NFIB: variants seen among roughly 807,000 people sequenced by gnomAD.
The protein encoded by NFIB is nuclear factor I B.
In NFIB, 11 loss-of-function variants were observed where a neutral mutation model predicts 61.5. The ratio of observed to expected loss-of-function variants is 0.18; its 90% CI spans 0.11 to 0.30. The LOEUF (loss-of-function observed/expected upper bound fraction) is 0.30. Ranked by LOEUF, NFIB falls within the 10% of genes least tolerant of loss-of-function variation. NFIB has a pLI of 1.00. For missense variants in NFIB, 471 were observed against 608.9 expected, an observed-to-expected ratio of 0.77 and a Z score of 2.38; for synonymous variants, 260 against 216.5, an observed-to-expected ratio of 1.20 and a Z score of -1.76.
the NFIB span, among the ~76,000 whole-genome samples, chr9:14,505,192 T>C: frequency 1.3e-5 from 2 of 152,216 alleles, no homozygotes; most frequent in Admixed American, 6.5e-5. Flanking sequence ...CACTTGATCA[T>C]GGTGGAATCT....
chr9:14,197,039 C>T (rs761122151), intron 2 of NFIB, among the ~76,000 whole-genome samples: 7 of 152,194 alleles, frequency 4.6e-5, no homozygotes, highest in Non-Finnish European at 1.0e-4. Flanking sequence ...TTCTTACCTT[C>T]CATTTGTACT....
At chr9:14,463,862 G>GT in the NFIB span, among the ~76,000 whole-genome samples, 1 of 151,738 alleles carries the variant, frequency 6.6e-6, no homozygotes, top group Non-Finnish European at 1.5e-5. Flanking sequence ...GGGTTTCACC[G>GT]TGTTAGCCAG....
At chr9:14,173,715 A>G (rs926173648) in intron 3 of NFIB, among the ~76,000 whole-genome samples, 34 of 152,226 alleles carry the variant, frequency 2.2e-4, no homozygotes, top group African/African-American at 8.2e-4. Flanking sequence ...ACTCAAATGT[A>G]GTATTTAATT....
At chr9:14,473,826 T>C in the NFIB span, among the ~76,000 whole-genome samples, 9 of 152,208 alleles carry the variant, frequency 5.9e-5, no homozygotes, top group African/African-American at 2.2e-4. Context: ...AACTCATAGA[T>C]TTGTTTTCCA....
chr9:14,531,306 C>G, the NFIB span, among the ~76,000 whole-genome samples: 2 of 152,200 alleles, frequency 1.3e-5, no homozygotes, highest in Non-Finnish European at 2.9e-5. Context: ...ACAGCAACAA[C>G]AAACCCACAC....
chr9:14,398,772 T>C (rs904706622), exon 1 of NFIB: 2 of 584,878 alleles, frequency 3.4e-6, no homozygotes, highest in Admixed American at 6.8e-5. Flanking sequence ...CCGAAGAGTT[T>C]GAGGGTGACT....
chr9:14,369,757 T>A (rs755876846), intron 1 of NFIB, among the ~76,000 whole-genome samples: 3 of 152,232 alleles, frequency 2.0e-5, no homozygotes, highest in Non-Finnish European at 4.4e-5. Flanking sequence ...CTTTTCCTTT[T>A]CATCACAGCT....
chr9:14,479,739 A>G, the NFIB span, among the ~76,000 whole-genome samples: 1 of 152,236 alleles, frequency 6.6e-6, no homozygotes, highest in East Asian at 1.9e-4. Flanking sequence ...GTGCATTCAC[A>G]CATATTAAGG....
At chr9:14,465,617 C>G in the NFIB span, among the ~76,000 whole-genome samples, 1 of 148,530 alleles carries the variant, frequency 6.7e-6, no homozygotes, top group Non-Finnish European at 1.5e-5. Context: ...ACGCCCTACC[C>G]CCTGCAGCTA....
intron 7 of NFIB, among the ~76,000 whole-genome samples, chr9:14,121,456 C>A (rs779234097): frequency 3.3e-5 from 5 of 152,178 alleles, no homozygotes. Flanking sequence ...GTACATCCTA[C>A]CTGGCAATTG....
intron 2 of NFIB, among the ~76,000 whole-genome samples, chr9:14,239,133 T>G (rs988679334): frequency 6.6e-6 from 1 of 152,242 alleles, no homozygotes; most frequent in Non-Finnish European, 1.5e-5. Context: ...AAATTTGTCC[T>G]AAAGAACAAA....
intron 6 of NFIB, among the ~76,000 whole-genome samples, chr9:14,135,334 A>C (rs2040920825): frequency 6.6e-6 from 1 of 152,234 alleles, no homozygotes; most frequent in African/African-American, 2.4e-5. Flanking sequence ...GCAAGAAGGA[A>C]AGCTTCATAT....
At chr9:14,388,309 A>C (rs1336957901) in intron 1 of NFIB, among the ~76,000 whole-genome samples, 1 of 145,378 alleles carries the variant, frequency 6.9e-6, no homozygotes, top group Non-Finnish European at 1.5e-5. Flanking sequence ...TGGGAGGTTG[A>C]GGCTGCAGTC....
chr9:14,512,243 C>A, the NFIB span, among the ~76,000 whole-genome samples: 10 of 152,116 alleles, frequency 6.6e-5, no homozygotes, highest in Non-Finnish European at 1.3e-4. Flanking sequence ...ACCCCAGGTA[C>A]ATGTAGCTGG....
intron 2 of NFIB, among the ~76,000 whole-genome samples, chr9:14,194,986 G>C (rs2048323247): frequency 6.6e-6 from 1 of 151,950 alleles, no homozygotes; most frequent in South Asian, 2.1e-4. Flanking sequence ...AAAAGAGAAA[G>C]AGATCCCGTA....
At chr9:14,407,837 C>T in the NFIB span, among the ~76,000 whole-genome samples, 2 of 151,998 alleles carry the variant, frequency 1.3e-5, no homozygotes, top group Non-Finnish European at 2.9e-5. Context: ...AAGTGTGTAC[C>T]ACCGTGCTCA....
chr9:14,270,583 A>C (rs1179149821), intron 2 of NFIB, among the ~76,000 whole-genome samples: 1 of 64,700 alleles, frequency 1.5e-5, no homozygotes, highest in Non-Finnish European at 3.3e-5. Flanking sequence ...AGATCACAAA[A>C]AAAAAAAAAA....
the NFIB span, among the ~76,000 whole-genome samples, chr9:14,505,464 G>A: frequency 2.2e-4 from 34 of 152,294 alleles, no homozygotes; most frequent in East Asian, 6.4e-3. Flanking sequence ...GATGCCAGGA[G>A]GAGGCAGCAG....
chr9:14,287,052 G>C (rs2058752263), intron 2 of NFIB, among the ~76,000 whole-genome samples: 1 of 152,172 alleles, frequency 6.6e-6, no homozygotes, highest in African/African-American at 2.4e-5. Context: ...GGGAAGTACA[G>C]AGGAACTGAG....
Sources: allele counts gnomAD v4.1 joint callset (sites outside exome capture counted in the v4.1 genomes callset), GRCh38; gene constraint gnomAD v4.1.1; transcripts MANE v1.5; gene names NCBI Gene and HGNC (gene_info 2026-07-23, HGNC 2026-07-21).